C6: variants seen among roughly 807,000 people sequenced by gnomAD.
C6 encodes complement component C6.
In C6, 101 loss-of-function variants were observed where a neutral mutation model predicts 112.9. The observed-to-expected ratio is 0.89, with a 90% CI of 0.76 to 1.06. The LOEUF is 1.06. Ranked by LOEUF, C6 falls within the 50% of genes least tolerant of loss-of-function variation. The pLI is 0.00. For missense variants in C6, 1,202 were observed against 1,104.6 expected (o/e 1.09, Z -1.25); for synonymous variants, 431 against 384.1 (o/e 1.12, Z -1.43).
At chr5:41,145,642 T>C (rs1487695409) in intron 17 of C6, among the ~76,000 whole-genome samples, 1 of 152,226 alleles carries the variant, frequency 6.6e-6, no homozygotes, top group Non-Finnish European at 1.5e-5. Context: ...ACCACATGCC[T>C]GGGCATCTTG....
At chr5:41,183,364 C>G (rs1237807982) in intron 6 of C6, among the ~76,000 whole-genome samples, 1 of 151,888 alleles carries the variant, frequency 6.6e-6, no homozygotes. Context: ...TTTTGACCAA[C>G]AAATATATGA....
intron 1 of C6, among the ~76,000 whole-genome samples, chr5:41,226,217 A>G (rs530219222): frequency 2.0e-5 from 3 of 152,202 alleles, no homozygotes; most frequent in African/African-American, 7.2e-5. Flanking sequence ...ACAAAGGGCT[A>G]ATAACCAGAA....
chr5:41,163,719 T>G (rs1222389740), intron 9 of C6, among the ~76,000 whole-genome samples: 3 of 152,236 alleles, frequency 2.0e-5, no homozygotes, highest in Non-Finnish European at 4.4e-5. Flanking sequence ...CATTTGCATA[T>G]TTTAATGCAC....
At chr5:41,261,278 A>G (rs1742035460) in exon 1 of C6, 1 of 814,668 alleles carries the variant, frequency 1.2e-6, no homozygotes, top group South Asian at 5.6e-5. Flanking sequence ...CATATTTCTT[A>G]TTATGAGCTC....
chr5:41,221,420 C>T (rs1406763368), intron 1 of C6, among the ~76,000 whole-genome samples: 1 of 152,268 alleles, frequency 6.6e-6, no homozygotes, highest in Non-Finnish European at 1.5e-5. Context: ...CTGATGCAAT[C>T]ACATTCTTTA....
intron 1 of C6, among the ~76,000 whole-genome samples, chr5:41,236,979 G>A (rs1218199078): frequency 6.6e-6 from 1 of 151,928 alleles, no homozygotes; most frequent in Admixed American, 6.6e-5. Context: ...AAATCTAGAA[G>A]AAGTGGATAC....
chr5:41,163,699 CCATTTTTTACATTTG>C (rs2150279268), intron 9 of C6, among the ~76,000 whole-genome samples: 1 of 152,212 alleles, frequency 6.6e-6, no homozygotes, highest in African/African-American at 2.4e-5. Context: ...AAAACAATTT[CCATTTTTTACATTTG>C]CATATTTTAA....
rs1751287327 is a variant in C6, at chr5:41,204,665, T to TC, written c.-20-1416_-20-1415insG. 4.0e-5 allele frequency among the ~76,000 whole-genome samples: 6 copies of TC among 148,166 alleles called. No individual in the cohort carries two copies. The South Asian group carries it at 1.3e-3, about 31-fold the overall frequency. On this transcript the variant is annotated intron_variant, in intron 1 of 17. Coordinates refer to ENST00000337836, the MANE Select transcript of C6 (RefSeq NM_000065.5). The stretch of plus-strand genomic sequence containing the variant: ...TTGTTAATAAATCAGTAAGCTTTTT[T>TC]TTTTCTTTTTTTTTTTTTTTTTGAG...
rs138208898 is a variant in C6 at position 41,199,314 on chromosome 5, C to T, written c.445+454G>A. On this transcript the variant is annotated intron_variant, in intron 4 of 17. Transcript: ENST00000337836. ...CTATGGCCTGTAGGCTAAAACTGAC[C>T]TGAACTATGGCCAACTGTTTTTGTA... Among the ~76,000 whole-genome samples the T allele has an allele frequency of 9.0e-3, 1,373 of 152,150 alleles. 12 individuals are homozygous for T. The highest frequency in any genetic ancestry group is 0.024 in the Middle Eastern group (7 of 294).
chr5:41,147,149 T>A (rs1027879829), intron 17 of C6, among the ~76,000 whole-genome samples: 3 of 152,188 alleles, frequency 2.0e-5, no homozygotes, highest in Non-Finnish European at 4.4e-5. Flanking sequence ...AAGTTGATAT[T>A]TAAAATAAAA....
intron 5 of C6, among the ~76,000 whole-genome samples, chr5:41,189,735 T>C (rs1750053341): frequency 6.6e-6 from 1 of 152,094 alleles, no homozygotes; most frequent in Admixed American, 6.5e-5. Flanking sequence ...AGCTGTAATT[T>C]TGTAACCTTT....
intron 1 of C6, among the ~76,000 whole-genome samples, chr5:41,255,944 G>C (rs1741667482): frequency 6.6e-6 from 1 of 152,186 alleles, no homozygotes; most frequent in Non-Finnish European, 1.5e-5. Context: ...TAACAGAAAG[G>C]AAGTATGGGG....
intron 3 of C6, among the ~76,000 whole-genome samples, chr5:41,200,888 GTTGTTTT>G (rs1291332957): frequency 0.055 from 3,621 of 65,750 alleles, 98 homozygotes; most frequent in African/African-American, 0.19. Context: ...TGTTGTTGTT[GTTGTTTT>G]TTTTTTTTTT....
intron 1 of C6, among the ~76,000 whole-genome samples, chr5:41,234,338 G>GTTTTTTTTTTTTTTTT (rs544459678): frequency 1.6e-5 from 2 of 127,770 alleles, no homozygotes; most frequent in African/African-American, 5.9e-5. Flanking sequence ...CTACCCTTTC[G>GTTTTTTTTTTTTTTTT]TTTTTTTTTT....
At chr5:41,165,763 T>C (rs1747926252) in intron 9 of C6, among the ~76,000 whole-genome samples, 1 of 152,102 alleles carries the variant, frequency 6.6e-6, no homozygotes, top group Non-Finnish European at 1.5e-5. Flanking sequence ...CATAAGTAAA[T>C]ACTATTATTA....
At chr5:41,185,505 G>A (rs17201075) in intron 6 of C6, among the ~76,000 whole-genome samples, 7,058 of 152,212 alleles carry the variant, frequency 0.046, 206 homozygotes, top group Non-Finnish European at 0.065. Flanking sequence ...GAGCACTTAC[G>A]TGTAAAGCAT....
rs139710039 is a variant in C6 at position 41,180,080 on chromosome 5, G to A, written c.927+1279C>T. On this transcript the variant is annotated intron_variant, in intron 7 of 17. Coordinates refer to ENST00000337836, the MANE Select transcript of C6 (RefSeq NM_000065.5). Reference sequence around the variant, plus strand: ...AAATATTGACTCTGATAATCTCTTAGAATTGTTTTGAGGATAAATGAAATA... The same window carrying A: ...AAATATTGACTCTGATAATCTCTTAAAATTGTTTTGAGGATAAATGAAATA... Among the ~76,000 whole-genome samples, 185 of 152,232 alleles carry A rather than the reference G, an allele frequency of 1.2e-3. 1 individual carries two copies. Among genetic ancestry groups the A allele is most frequent in the African/African-American group, 4.4e-3 (181 of 41,550 alleles).
chr5:41,201,690 G>A lies in C6; in HGVS notation c.168C>T (p.Tyr56=). The stretch of plus-strand genomic sequence containing the variant: ...AAATCTGTTCACAAAAGTTTTCCTG[G>A]TAGTACTTATCTACTACTATTTGTC... ...RHRQIVVDKY[Y]QENFCEQICS... Residue 56 remains tyrosine, a synonymous_variant, in exon 3 of 18, where the codon TAC becomes TAT. Transcript: ENST00000337836. 1 of 1,613,578 alleles carries A rather than the reference G, an allele frequency of 6.2e-7. No individual in the cohort carries two copies. The highest frequency in any genetic ancestry group is 8.5e-7 in the Non-Finnish European group (1 of 1,179,786).
At chr5:41,213,718 T>C (rs1167690893), upstream of C6, 1 of 180,938 alleles carries the variant, frequency 5.5e-6, no homozygotes, top group Non-Finnish European at 1.1e-5. Context: ...AATCTCTCTT[T>C]CCATTTTAAA....
Sources: gnomAD v4.1 joint callset for allele counts (sites outside exome capture counted in the v4.1 genomes callset) on GRCh38, gnomAD v4.1.1 for gene constraint, MANE v1.5 for transcripts, NCBI Gene and HGNC (gene_info 2026-07-23, HGNC 2026-07-21) for gene names.